The following ASB5 variants were observed in gnomAD, a reference collection of about 807,000 sequenced individuals.
The protein encoded by ASB5 is ankyrin repeat and SOCS box containing 5, also known as ankyrin repeat and SOCS box protein 5.
A neutral mutation model predicts 42.1 loss-of-function variants in ASB5; 45 were observed. The ratio of observed to expected loss-of-function variants is 1.07; its 90% CI spans 0.84 to 1.37. The LOEUF (loss-of-function observed/expected upper bound fraction) is 1.37, where lower values mean the gene tolerates loss of function less well. Among genes scored for constraint, ASB5 ranks in the 40% most tolerant of loss-of-function variants. ASB5 has a pLI of 0.00. For synonymous variants in ASB5, 147 were observed against 150.6 expected, an observed-to-expected ratio of 0.98 and a Z score of 0.18; for missense variants, 402 against 399.8, an observed-to-expected ratio of 1.01 and a Z score of -0.05.
chr4:176,215,561 A>G lies in ASB5; in HGVS notation c.*39T>C, dbSNP rs1242025179. On this transcript the variant is annotated 3_prime_UTR_variant, in exon 7 of 7. Coordinates refer to ENST00000296525, the MANE Select transcript of ASB5 (RefSeq NM_080874.4). Reference sequence around the variant, plus strand: ...CTATTCCTTAAGCAAAAGAAATAGAAATTTTGATTTTCAAGGTATTTAGAA... The same window carrying G: ...CTATTCCTTAAGCAAAAGAAATAGAGATTTTGATTTTCAAGGTATTTAGAA... 1.3e-6 allele frequency: 2 copies of G among 1,581,692 alleles called. No homozygotes were observed. Among genetic ancestry groups the G allele is most frequent in the Non-Finnish European group, 8.6e-7 (1 of 1,157,308 alleles).
At chr4:176,272,940 C>A (rs533726737), upstream of ASB5, among the ~76,000 whole-genome samples, 1 of 125,166 alleles carries the variant, frequency 8.0e-6, no homozygotes, top group African/African-American at 2.8e-5. Flanking sequence ...CCTTCGATGA[C>A]CTTTTTTTTT....
At chr4:176,255,100 A>G (rs1044944756) in intron 1 of ASB5, among the ~76,000 whole-genome samples, 5 of 152,234 alleles carry the variant, frequency 3.3e-5, no homozygotes, top group South Asian at 2.1e-4. Flanking sequence ...ACTGCACTCC[A>G]GCCTGGGTGG....
At chr4:176,241,795 G>T in intron 1 of ASB5, 2 of 593,052 alleles carry the variant, frequency 3.4e-6, no homozygotes, top group Non-Finnish European at 4.7e-6. Flanking sequence ...TATAAAGGTT[G>T]CTGGGAAACT....
intron 1 of ASB5, among the ~76,000 whole-genome samples, chr4:176,231,224 AAT>A (rs1491147023): frequency 1.3e-5 from 1 of 76,164 alleles, no homozygotes. Context: ...TCCGACTCAT[AAT>A]TTTTTTTTTT....
intron 1 of ASB5, among the ~76,000 whole-genome samples, chr4:176,250,240 G>A (rs971647496): frequency 6.6e-6 from 1 of 152,130 alleles, no homozygotes; most frequent in Non-Finnish European, 1.5e-5. Context: ...CTGAGGTCAC[G>A]GGCGTGATAA....
chr4:176,269,207 GA>G lies in ASB5; in HGVS notation c.-100del. The G allele has an allele frequency of 9.4e-7, 1 of 1,061,784 alleles. No homozygotes were observed. The highest frequency in any genetic ancestry group is 1.3e-6 in the Non-Finnish European group (1 of 750,928). The allele number at this position is 1,061,784 out of a possible 1,614,324, so 65.8% of individuals were successfully genotyped here. ...TCCTGAACAGCTGGTCCTGAGGAAA[GA>G]AAATATCAGCTGGTAGTGATGCCTA... On this transcript the variant is annotated 5_prime_UTR_variant, in exon 1 of 7. Coordinates refer to ENST00000296525, the MANE Select transcript of ASB5 (RefSeq NM_080874.4).
chr4:176,259,462 T>G (rs1003311308), intron 1 of ASB5, among the ~76,000 whole-genome samples: 1 of 152,210 alleles, frequency 6.6e-6, no homozygotes, highest in African/African-American at 2.4e-5. Context: ...TGTATTTGGT[T>G]GCTACTGAGG....
At chr4:176,230,774 C>G (rs1390854580) in intron 1 of ASB5, among the ~76,000 whole-genome samples, 2 of 152,178 alleles carry the variant, frequency 1.3e-5, no homozygotes, top group East Asian at 1.9e-4. Flanking sequence ...CGAGCCATCT[C>G]AAGACCAAAC....
intron 1 of ASB5, among the ~76,000 whole-genome samples, chr4:176,242,201 A>G (rs776517698): frequency 6.6e-6 from 1 of 152,174 alleles, no homozygotes; most frequent in Non-Finnish European, 1.5e-5. Flanking sequence ...AAAAAGGGAA[A>G]CAGATCCAAC....
intron 1 of ASB5, among the ~76,000 whole-genome samples, chr4:176,236,009 C>G (rs1157101539): frequency 4.0e-5 from 6 of 151,882 alleles, no homozygotes; most frequent in Admixed American, 3.9e-4. Flanking sequence ...GCCACTGGGC[C>G]TGGCTCTATA....
intron 1 of ASB5, among the ~76,000 whole-genome samples, chr4:176,245,480 A>G (rs890219238): frequency 1.3e-5 from 2 of 152,190 alleles, no homozygotes; most frequent in African/African-American, 4.8e-5. Context: ...ATTGTGGAAG[A>G]CAGTGTGGCG....
intron 1 of ASB5, among the ~76,000 whole-genome samples, chr4:176,228,630 T>G (rs533332707): frequency 6.6e-6 from 1 of 152,318 alleles, no homozygotes; most frequent in African/African-American, 2.4e-5. Context: ...ATGTATTACT[T>G]CTTTCTACTG....
At position 176,258,367 on chromosome 4, in the gene ASB5, AG is replaced by A. The variant is rs559931582; in HGVS notation, c.196+10545del. On this transcript the variant is annotated intron_variant, in intron 1 of 6. Coordinates refer to ENST00000296525, the MANE Select transcript of ASB5 (RefSeq NM_080874.4). ...TGGGTCAAACATTGTGCAATATGCA[AG>A]GGGTTTTTAACCTCCATATTCTCTT... Among the ~76,000 whole-genome samples, 662 of 152,334 alleles carry A rather than the reference AG, an allele frequency of 4.3e-3. 6 individuals are homozygous for A. Among genetic ancestry groups the A allele is most frequent in the African/African-American group, 0.015 (627 of 41,578 alleles).
At chr4:176,261,085 T>C (rs952099873) in intron 1 of ASB5, among the ~76,000 whole-genome samples, 6 of 152,208 alleles carry the variant, frequency 3.9e-5, no homozygotes. Context: ...ATACTTCACC[T>C]GCTTTTAATG....
intron 5 of ASB5, 124 bp from the exon 6 acceptor site, chr4:176,217,133 G>C (rs1270284412): frequency 1.1e-5 from 8 of 719,738 alleles, no homozygotes; most frequent in Non-Finnish European, 1.4e-5. Context: ...AACTCTATTT[G>C]TTATGAGTTA....
chr4:176,231,917 C>T (rs917167577), intron 1 of ASB5, among the ~76,000 whole-genome samples: 1 of 151,876 alleles, frequency 6.6e-6, no homozygotes, highest in Non-Finnish European at 1.5e-5. Flanking sequence ...TCAGCAGAAG[C>T]AGGATGTGGA....
rs922849 is a variant in ASB5 at position 176,215,361 on chromosome 4, G to A, written c.*239C>T. 260,162 of 289,854 alleles carry A rather than the reference G, an allele frequency of 0.9. 117,046 individuals carry two copies. Among genetic ancestry groups the A allele is most frequent in the Non-Finnish European group, 0.91 (146,300 of 160,688 alleles). The allele number at this position is 289,854 out of a possible 1,614,324, so 18.0% of individuals were successfully genotyped here. A position where few individuals can be genotyped will look rare whatever the true frequency, so the allele number is the denominator to read the frequency against. On this transcript the variant is annotated 3_prime_UTR_variant, in exon 7 of 7. Coordinates refer to ENST00000296525, the MANE Select transcript of ASB5 (RefSeq NM_080874.4). ...TTTATTATTTTTTCCTGAATAAACAGGAGGGTATATTGAAATAACAAAAAA... is the reference window on the plus strand; with the variant it reads ...TTTATTATTTTTTCCTGAATAAACAAGAGGGTATATTGAAATAACAAAAAA...
At chr4:176,243,471 A>G (rs1405529965) in intron 1 of ASB5, among the ~76,000 whole-genome samples, 1 of 152,142 alleles carries the variant, frequency 6.6e-6, no homozygotes, top group East Asian at 1.9e-4. Context: ...CTCTTATTAT[A>G]TAGTGGCATC....
chr4:176,232,890 C>T (rs764729582), intron 1 of ASB5, among the ~76,000 whole-genome samples: 31 of 152,268 alleles, frequency 2.0e-4, no homozygotes, highest in Non-Finnish European at 3.8e-4. Flanking sequence ...AAGCTATCAG[C>T]TATCTCAATT....
Sources: allele counts gnomAD v4.1 joint callset (sites outside exome capture counted in the v4.1 genomes callset), GRCh38; gene constraint gnomAD v4.1.1; transcripts MANE v1.5; gene names NCBI Gene and HGNC (gene_info 2026-07-23, HGNC 2026-07-21).